NRXN1: variants seen among roughly 807,000 people sequenced by gnomAD.
The protein encoded by NRXN1 is neurexin-1.
Under a neutral mutation model 150.9 loss-of-function variants are expected in NRXN1, and 39 were observed. The ratio of observed to expected loss-of-function variants is 0.26; its 90% CI spans 0.20 to 0.34. NRXN1 has a LOEUF of 0.34. Ranked by LOEUF, NRXN1 falls within the 10% of genes least tolerant of loss-of-function variation. The pLI is 1.00. For missense variants in NRXN1, 1,815 were observed against 1,949.9 expected (o/e 0.93, Z 1.30); for synonymous variants, 924 against 757.0 (o/e 1.22, Z -3.62).
intron 5 of NRXN1, chr2:50,757,861 C>A (rs1701342608): frequency 6.6e-6 from 1 of 151,550 alleles, no homozygotes; most frequent in South Asian, 2.1e-4. Context: ...TATTGTGAGA[C>A]CATCAAATGT....
intron 2 of NRXN1, among the ~76,000 whole-genome samples, chr2:50,951,657 C>A (rs980580390): frequency 2.0e-5 from 3 of 152,076 alleles, no homozygotes; most frequent in African/African-American, 7.2e-5. Flanking sequence ...CGATGTAACA[C>A]AGCTCCATTA....
intron 8 of NRXN1, among the ~76,000 whole-genome samples, chr2:50,596,455 C>G (rs762962605): frequency 1.3e-5 from 2 of 152,160 alleles, no homozygotes; most frequent in Non-Finnish European, 2.9e-5. Context: ...TGTTATCCTA[C>G]TCCCCTTTCA....
intron 5 of NRXN1, among the ~76,000 whole-genome samples, chr2:50,811,690 A>G (rs1224480964): frequency 6.6e-6 from 1 of 152,206 alleles, no homozygotes; most frequent in African/African-American, 2.4e-5. Context: ...ATCTGGCTTC[A>G]TAAATTTAAA....
chr2:50,826,408 G>C (rs988981845), intron 5 of NRXN1, among the ~76,000 whole-genome samples: 1 of 152,148 alleles, frequency 6.6e-6, no homozygotes, highest in African/African-American at 2.4e-5. Context: ...GCAGCCTGGA[G>C]TCACAGATCA....
In NRXN1 at chr2:50,815,754, T is replaced by G. The variant is rs535183666; in HGVS notation, c.832+106115A>C. On this transcript the variant is annotated intron_variant, in intron 5 of 22. Coordinates refer to ENST00000401669, the MANE Select transcript of NRXN1 (RefSeq NM_001330078.2). ...TATCCTCATAAACTGGCCTAACTGG[T>G]CTTCATAGAAAAGCATTATTTTCAC... Among the ~76,000 whole-genome samples the G allele has an allele frequency of 2.6e-5, 4 of 152,268 alleles. No homozygotes were observed. The East Asian group carries it at 7.7e-4, about 29-fold the overall frequency.
At chr2:50,485,426 CA>C (rs2090796751) in intron 15 of NRXN1, among the ~76,000 whole-genome samples, 1 of 152,208 alleles carries the variant, frequency 6.6e-6, no homozygotes, top group South Asian at 2.1e-4. Flanking sequence ...ATTCTAGCTC[CA>C]AGCCTAGCAA....
intron 17 of NRXN1, among the ~76,000 whole-genome samples, chr2:50,360,769 G>A (rs900142599): frequency 3.9e-5 from 6 of 152,078 alleles, no homozygotes; most frequent in African/African-American, 1.2e-4. Flanking sequence ...AGACCTAATC[G>A]ACATCTCCAG....
At position 50,620,172 on chromosome 2, in the gene NRXN1, T is replaced by C. The variant is rs1368717796; in HGVS notation, c.1170A>G (p.Ser390=). Residue 390 remains serine, a synonymous_variant, in exon 8 of 23, where the codon TCA becomes TCG. Coordinates refer to ENST00000401669, the MANE Select transcript of NRXN1 (RefSeq NM_001330078.2). ...CCGTTGTGGTAAGAATCCCATCCAC[T>C]GATATTGTCACCTAGATAACAAAGC... is the stretch of plus-strand genomic sequence containing the variant. ...SGIGHAMVTI[S]VDGILTTTGY... The C allele has an allele frequency of 6.2e-7, 1 of 1,613,336 alleles. No individual in the cohort carries two copies. Among genetic ancestry groups the C allele is most frequent in the Non-Finnish European group, 8.5e-7 (1 of 1,179,594 alleles).
At chr2:50,291,663 A>G (rs1257762686) in intron 17 of NRXN1, among the ~76,000 whole-genome samples, 1 of 152,196 alleles carries the variant, frequency 6.6e-6, no homozygotes, top group Non-Finnish European at 1.5e-5. Context: ...CTGCTCTCTC[A>G]GACATACTGT....
intron 2 of NRXN1, among the ~76,000 whole-genome samples, chr2:50,968,176 C>T (rs1318938602): frequency 6.6e-6 from 1 of 152,076 alleles, no homozygotes; most frequent in Non-Finnish European, 1.5e-5. Flanking sequence ...CTTTGACTGT[C>T]TCCTGCACAA....
At chr2:50,074,552 A>T (rs959771532) in intron 19 of NRXN1, among the ~76,000 whole-genome samples, 1 of 152,154 alleles carries the variant, frequency 6.6e-6, no homozygotes, top group African/African-American at 2.4e-5. Flanking sequence ...GCACATATAT[A>T]TGATGGCTAC....
At chr2:50,128,239 G>A (rs774923384) in intron 18 of NRXN1, among the ~76,000 whole-genome samples, 6 of 152,078 alleles carry the variant, frequency 3.9e-5, no homozygotes, top group Non-Finnish European at 8.8e-5. Context: ...TTGGTACTAG[G>A]GCAAAGCATG....
intron 17 of NRXN1, among the ~76,000 whole-genome samples, chr2:50,357,752 T>C (rs2153006721): frequency 6.6e-6 from 1 of 152,180 alleles, no homozygotes; most frequent in East Asian, 1.9e-4. Context: ...TTCACAGTGG[T>C]TTGCTTCAGA....
At chr2:50,407,401 G>A (rs764090845) in intron 17 of NRXN1, among the ~76,000 whole-genome samples, 3 of 152,008 alleles carry the variant, frequency 2.0e-5, no homozygotes, top group African/African-American at 7.2e-5. Flanking sequence ...AAACTACCTC[G>A]CCTTCAGGAC....
intron 7 of NRXN1, chr2:50,620,922 C>A (rs560267061): frequency 9.1e-6 from 3 of 328,670 alleles, no homozygotes; most frequent in Non-Finnish European, 1.6e-5. Context: ...GGCTGAGCTG[C>A]GGTCACTCGG....
chr2:50,674,137 A>G (rs1299085454), intron 5 of NRXN1, among the ~76,000 whole-genome samples: 1 of 152,140 alleles, frequency 6.6e-6, no homozygotes, highest in Non-Finnish European at 1.5e-5. Flanking sequence ...ATGTGTAATA[A>G]CAGCCTTAGG....
intron 18 of NRXN1, among the ~76,000 whole-genome samples, chr2:50,203,844 T>C (rs2062367154): frequency 6.6e-6 from 1 of 152,176 alleles, no homozygotes; most frequent in African/African-American, 2.4e-5. Context: ...AACAGCTTTA[T>C]CGTATTAAAT....
At chr2:50,261,714 T>C (rs1279797192) in intron 17 of NRXN1, among the ~76,000 whole-genome samples, 1 of 151,944 alleles carries the variant, frequency 6.6e-6, no homozygotes, top group Non-Finnish European at 1.5e-5. Context: ...AAAAATACTA[T>C]TTCTTTTATA....
chr2:50,704,602 A>T (rs59729924), intron 5 of NRXN1, among the ~76,000 whole-genome samples: 4,648 of 151,426 alleles, frequency 0.031, 329 homozygotes, highest in East Asian at 0.22. Context: ...TTTTTTTTTA[A>T]CATTGTTAGT....
Sources: gnomAD v4.1 joint callset for allele counts (sites outside exome capture counted in the v4.1 genomes callset) on GRCh38, gnomAD v4.1.1 for gene constraint, MANE v1.5 for transcripts, NCBI Gene and HGNC (gene_info 2026-07-23, HGNC 2026-07-21) for gene names.